The following PSD3 variants were observed in gnomAD, a reference collection of about 807,000 sequenced individuals.
The protein encoded by PSD3 is pleckstrin and Sec7 domain containing 3.
In PSD3, 49 loss-of-function variants were observed where a neutral mutation model predicts 105.5. The observed-to-expected ratio is 0.46, with a 90% CI of 0.37 to 0.59. PSD3 has a LOEUF of 0.59. Ranked by LOEUF, PSD3 falls within the 20% of genes least tolerant of loss-of-function variation. The pLI, the probability that PSD3 is intolerant of heterozygous loss-of-function variation, is 0.00. For missense variants in PSD3, 1,561 were observed against 1,263.8 expected (o/e 1.24, Z -3.57); for synonymous variants, 557 against 457.8 (o/e 1.22, Z -2.77).
intron 1 of PSD3, among the ~76,000 whole-genome samples, chr8:19,005,833 G>C (rs371038868): frequency 6.6e-6 from 1 of 151,840 alleles, no homozygotes; most frequent in Non-Finnish European, 1.5e-5. Flanking sequence ...ATTGACTATG[G>C]TGATGGGTGC....
At chr8:18,789,702 C>T (rs1809514291) in intron 8 of PSD3, among the ~76,000 whole-genome samples, 1 of 152,138 alleles carries the variant, frequency 6.6e-6, no homozygotes, top group African/African-American at 2.4e-5. Flanking sequence ...ACTAACCAAA[C>T]AATTTTTAAC....
At chr8:19,062,773 A>C (rs1828947642) in intron 1 of PSD3, among the ~76,000 whole-genome samples, 1 of 152,226 alleles carries the variant, frequency 6.6e-6, no homozygotes, top group African/African-American at 2.4e-5. Flanking sequence ...TATTGACCAA[A>C]ATCAGGTAGA....
intron 9 of PSD3, among the ~76,000 whole-genome samples, chr8:18,728,855 A>T (rs1341663972): frequency 6.6e-6 from 1 of 151,958 alleles, no homozygotes; most frequent in Non-Finnish European, 1.5e-5. Context: ...ATGAATATGA[A>T]AGGGAAGCTG....
chr8:19,082,920 C>A (rs570532090), intron 1 of PSD3, among the ~76,000 whole-genome samples: 1 of 152,322 alleles, frequency 6.6e-6, no homozygotes, highest in South Asian at 2.1e-4. Context: ...CTCTGGAGAG[C>A]TTTCTCCCCG....
chr8:18,961,963 G>C (rs11780765), intron 1 of PSD3, among the ~76,000 whole-genome samples: 1 of 151,856 alleles, frequency 6.6e-6, no homozygotes, highest in East Asian at 1.9e-4. Flanking sequence ...CTTTCACTTT[G>C]CAAAAATTTT....
chr8:18,946,685 A>G (rs1183239304), intron 1 of PSD3, among the ~76,000 whole-genome samples: 2 of 152,068 alleles, frequency 1.3e-5, no homozygotes, highest in Non-Finnish European at 2.9e-5. Context: ...GGATCACCTG[A>G]GGTCAGGAGT....
At chr8:19,028,781 CTA>C (rs1243636406) in intron 1 of PSD3, among the ~76,000 whole-genome samples, 5 of 152,052 alleles carry the variant, frequency 3.3e-5, no homozygotes, top group African/African-American at 1.2e-4. Context: ...AGATTTTCTT[CTA>C]TGTTTGCTTC....
At chr8:18,582,814 A>ATTTTT (rs1563345708) in intron 12 of PSD3, among the ~76,000 whole-genome samples, 3 of 76,930 alleles carry the variant, frequency 3.9e-5, no homozygotes, top group African/African-American at 1.0e-4. Flanking sequence ...AGCCACACTG[A>ATTTTT]TCTTTTTTTT....
intron 4 of PSD3, among the ~76,000 whole-genome samples, chr8:18,818,683 A>ACC (rs34956959): frequency 2.0e-5 from 3 of 150,942 alleles, no homozygotes; most frequent in Non-Finnish European, 3.0e-5. Flanking sequence ...TCCTCTCCAT[A>ACC]CCCCCCCCAA....
At chr8:18,576,706 C>G (rs779488047) in intron 12 of PSD3, among the ~76,000 whole-genome samples, 1 of 151,970 alleles carries the variant, frequency 6.6e-6, no homozygotes, top group Non-Finnish European at 1.5e-5. Context: ...TGGCTCTCCA[C>G]GCAGTGTAAC....
chr8:18,642,389 AACT>A (rs1220252530), intron 10 of PSD3, among the ~76,000 whole-genome samples: 1 of 152,172 alleles, frequency 6.6e-6, no homozygotes, highest in East Asian at 1.9e-4. Context: ...TCAATGAAAC[AACT>A]ACTGTCTAAA....
intron 10 of PSD3, among the ~76,000 whole-genome samples, chr8:18,635,254 C>T (rs181921988): frequency 1.1e-3 from 162 of 152,238 alleles, no homozygotes; most frequent in Non-Finnish European, 1.6e-3. Context: ...GCCCTGAAAT[C>T]AACCACTTCT....
At chr8:18,690,190 C>T (rs1174275194) in intron 9 of PSD3, among the ~76,000 whole-genome samples, 1 of 152,124 alleles carries the variant, frequency 6.6e-6, no homozygotes, top group African/African-American at 2.4e-5. Flanking sequence ...AGGACAAAAT[C>T]AACTGTACCA....
At chr8:18,664,175 A>G (rs1809550693) in intron 9 of PSD3, among the ~76,000 whole-genome samples, 1 of 152,232 alleles carries the variant, frequency 6.6e-6, no homozygotes, top group Non-Finnish European at 1.5e-5. Context: ...CTCTCACTTT[A>G]AATCAAAAGC....
intron 2 of PSD3, chr8:18,886,787 C>T (rs1341171857): frequency 6.6e-6 from 1 of 152,248 alleles, no homozygotes. Context: ...CTGCACTGCA[C>T]ACGGTGATGG....
chr8:18,801,118 A>G (rs1810641817), intron 7 of PSD3, 152 bp downstream of exon 7: 1 of 481,566 alleles, frequency 2.1e-6, no homozygotes, highest in Non-Finnish European at 3.7e-6. Flanking sequence ...GACATTAAAT[A>G]TTAAATAGAC....
Position 18,728,681 on chromosome 8 carries a change from C to T in PSD3, c.2172+36768G>A, listed in dbSNP as rs182595983. 4.6e-5 allele frequency among the ~76,000 whole-genome samples: 7 copies of T among 152,230 alleles called. No individual in the cohort carries two copies. The East Asian group carries it at 5.8e-4, about 13-fold the overall frequency. ...CAAGCAGTCACCTTGAGTTACGCTG[C>T]GTGAGCTAAAAATGTGAGTTATGTG... On this transcript the variant is annotated intron_variant, in intron 9 of 15. Coordinates refer to ENST00000327040, the MANE Select transcript of PSD3 (RefSeq NM_015310.4).
chr8:18,616,749 A>G (rs28620911), intron 11 of PSD3, among the ~76,000 whole-genome samples: 44,810 of 147,324 alleles, frequency 0.3, 7,055 homozygotes, highest in Middle Eastern at 0.46. Flanking sequence ...TCAGCCTCCC[A>G]AGTAGCTGGG....
At chr8:18,806,133 T>C (rs1409149474) in intron 4 of PSD3, among the ~76,000 whole-genome samples, 1 of 152,148 alleles carries the variant, frequency 6.6e-6, no homozygotes, top group Non-Finnish European at 1.5e-5. Flanking sequence ...TCATCAAGGA[T>C]TTTTTTAAAG....
Sources: allele counts gnomAD v4.1 joint callset (sites outside exome capture counted in the v4.1 genomes callset), GRCh38; gene constraint gnomAD v4.1.1; transcripts MANE v1.5; gene names NCBI Gene and HGNC (gene_info 2026-07-23, HGNC 2026-07-21).